The following SEMA3E variants were observed in gnomAD, a reference collection of about 807,000 sequenced individuals.
SEMA3E encodes the protein semaphorin 3E.
Under a neutral mutation model 93.6 loss-of-function variants are expected in SEMA3E, and 49 were observed. That is an observed-to-expected ratio of 0.52 (90% CI 0.42 to 0.66). SEMA3E has a LOEUF of 0.66. SEMA3E is among the 30% of genes least tolerant of loss of function. The pLI is 0.00. For synonymous variants in SEMA3E, 363 were observed against 330.7 expected, an observed-to-expected ratio of 1.10 and a Z score of -1.06; for missense variants, 906 against 964.8, an observed-to-expected ratio of 0.94 and a Z score of 0.81.
Position 83,490,235 on chromosome 7 carries a change from G to A in SEMA3E, c.155C>T (p.Pro52Leu), listed in dbSNP as rs370543242. 6.2e-7 allele frequency: 1 copy of A among 1,612,796 alleles called. No individual in the cohort carries two copies. Among genetic ancestry groups the A allele is most frequent in the African/African-American group, 1.3e-5 (1 of 74,942 alleles). ...TGTATGGAGATCAAGAAATCCAAAAGGGCTATGAAATATTGATGTTCTGTT... is the reference window on the plus strand; with the variant it reads ...TGTATGGAGATCAAGAAATCCAAAAAGGCTATGAAATATTGATGTTCTGTT... ...NLNRTSIFHSPFGFLDLHTML... is the reference protein window; with the variant it reads ...NLNRTSIFHSLFGFLDLHTML... Residue 52 changes from proline to leucine, a missense_variant, in exon 2 of 17, where the codon CCT (proline) becomes CTT (leucine). Coordinates refer to ENST00000643230, the MANE Select transcript of SEMA3E (RefSeq NM_012431.3).
At chr7:83,570,425 C>A (rs1438047754) in intron 1 of SEMA3E, among the ~76,000 whole-genome samples, 1 of 145,936 alleles carries the variant, frequency 6.9e-6, no homozygotes, top group African/African-American at 2.6e-5. Context: ...TAGTGGCGGG[C>A]GCCTGTAGTC....
intron 5 of SEMA3E, among the ~76,000 whole-genome samples, chr7:83,416,998 CACACACACACACACACAGGG>C (rs1788557058): frequency 1.5e-5 from 1 of 65,662 alleles, no homozygotes; most frequent in African/African-American, 3.5e-5. Flanking sequence ...CACACACACA[CACACACACACACACACAGGG>C]AGAGAGAGAG....
intron 2 of SEMA3E, among the ~76,000 whole-genome samples, chr7:83,471,346 A>G (rs62476980): frequency 0.11 from 16,416 of 144,310 alleles, 1,068 homozygotes; most frequent in Non-Finnish European, 0.14. Context: ...TGAAATCTGC[A>G]CTAGTATAGA....
chr7:83,424,465 C>T (rs1300764089), intron 4 of SEMA3E, among the ~76,000 whole-genome samples: 1 of 152,128 alleles, frequency 6.6e-6, no homozygotes, highest in African/African-American at 2.4e-5. Flanking sequence ...ACTAAAACTA[C>T]ATCTCCGGCC....
intron 16 of SEMA3E, among the ~76,000 whole-genome samples, chr7:83,381,281 T>A (rs1787772570): frequency 1.3e-5 from 2 of 152,024 alleles, no homozygotes; most frequent in Admixed American, 6.6e-5. Context: ...TTAGTCTCCC[T>A]ACTGCTCACT....
At chr7:83,379,753 A>G (rs1787741393) in intron 16 of SEMA3E, among the ~76,000 whole-genome samples, 1 of 152,056 alleles carries the variant, frequency 6.6e-6, no homozygotes. Context: ...CAAGTAACTC[A>G]GTCTCTCTGT....
chr7:83,371,810 C>A (rs1231515490), intron 16 of SEMA3E: 1 of 152,432 alleles, frequency 6.6e-6, no homozygotes, highest in Admixed American at 6.6e-5. Context: ...GTCTACCAAT[C>A]CATTTGTTTT....
intron 1 of SEMA3E, among the ~76,000 whole-genome samples, chr7:83,645,533 A>T (rs893266052): frequency 5.3e-5 from 8 of 152,070 alleles, no homozygotes; most frequent in Admixed American, 5.2e-4. Flanking sequence ...CTTCAACAAG[A>T]GTAATTATCT....
At chr7:83,375,356 T>C (rs1794805803) in intron 16 of SEMA3E, among the ~76,000 whole-genome samples, 1 of 152,090 alleles carries the variant, frequency 6.6e-6, no homozygotes, top group Non-Finnish European at 1.5e-5. Context: ...CATGTCCTTA[T>C]AAAAAGAGAG....
At chr7:83,484,741 T>G (rs1453798506) in intron 2 of SEMA3E, among the ~76,000 whole-genome samples, 1 of 152,246 alleles carries the variant, frequency 6.6e-6, no homozygotes, top group East Asian at 1.9e-4. Flanking sequence ...AATATTATTT[T>G]ATTTTTCCAG....
At chr7:83,525,675 A>G (rs917787451) in intron 1 of SEMA3E, among the ~76,000 whole-genome samples, 2 of 151,696 alleles carry the variant, frequency 1.3e-5, no homozygotes, top group African/African-American at 2.4e-5. Context: ...TAAAGTAGCA[A>G]TTTGATCTTG....
At chr7:83,586,027 A>G (rs1792619297) in intron 1 of SEMA3E, among the ~76,000 whole-genome samples, 1 of 152,176 alleles carries the variant, frequency 6.6e-6, no homozygotes, top group Non-Finnish European at 1.5e-5. Context: ...CCCCTCAAAC[A>G]TATATGCACA....
At chr7:83,445,980 A>G (rs1789220360) in intron 4 of SEMA3E, among the ~76,000 whole-genome samples, 1 of 152,174 alleles carries the variant, frequency 6.6e-6, no homozygotes, top group South Asian at 2.1e-4. Context: ...TCTTGTGTAC[A>G]CTTACTACAT....
chr7:83,633,843 G>T (rs1270036172), intron 1 of SEMA3E, among the ~76,000 whole-genome samples: 1 of 152,084 alleles, frequency 6.6e-6, no homozygotes, highest in African/African-American at 2.4e-5. Context: ...GCTTGGCTGG[G>T]GAGTCCCAGA....
At chr7:83,622,479 G>A (rs1337896778) in intron 1 of SEMA3E, among the ~76,000 whole-genome samples, 3 of 151,994 alleles carry the variant, frequency 2.0e-5, no homozygotes, top group Non-Finnish European at 4.4e-5. Context: ...TCCATTACTG[G>A]ATATATACCC....
In SEMA3E at chr7:83,406,034, A is replaced by C. The variant is rs1788322374; in HGVS notation, c.839T>G (p.Leu280Arg). ...TAGGAAAGTGCTCCACTTATTCACC[A>C]GTATTCTCTGCCCTCCTACATCATT... is the stretch of plus-strand genomic sequence containing the variant. ...CVNDVGGQRI[L>R]VNKWSTFLKA... The change falls in exon 8 of 17, where the codon CTG (leucine) becomes CGG (arginine). Residue 280 changes from leucine (L) to arginine (R), a missense_variant. Physicochemically the swap from Leu to Arg is moderately radical, Grantham distance 102. Transcript: ENST00000643230. 6.2e-7 allele frequency: 1 copy of C among 1,612,980 alleles called. No homozygotes were observed. Among genetic ancestry groups the C allele is most frequent in the Non-Finnish European group, 8.5e-7 (1 of 1,179,240 alleles).
At chr7:83,477,807 T>TTA (rs1249447635) in intron 2 of SEMA3E, among the ~76,000 whole-genome samples, 1 of 152,120 alleles carries the variant, frequency 6.6e-6, no homozygotes, top group African/African-American at 2.4e-5. Flanking sequence ...CAAGAACTTT[T>TTA]TACACCTTTG....
intron 4 of SEMA3E, among the ~76,000 whole-genome samples, chr7:83,434,709 CT>C (rs76539180): frequency 0.18 from 20,394 of 116,298 alleles, 583 homozygotes; most frequent in East Asian, 0.37. Context: ...AACTGTATTT[CT>C]TTTTTTTTTT....
Position 83,416,984 on chromosome 7 carries a change from T to TACACACAC in SEMA3E, c.550+1398_550+1405dup, listed in dbSNP as rs71522659. 1.6e-3 allele frequency among the ~76,000 whole-genome samples: 184 copies of TACACACAC among 113,764 alleles called. 1 individual carries two copies. Among genetic ancestry groups the TACACACAC allele is most frequent in the African/African-American group, 5.0e-3 (179 of 36,074 alleles). 74.6% of individuals were successfully genotyped at this position (113,764 alleles called of 152,430 possible). On this transcript the variant is annotated intron_variant, in intron 5 of 16. Transcript: ENST00000643230. ...CTTCCTTTTTTTAATACTCTGTTTA[T>TACACACAC]ACACACACACACACACACACACACA...
Sources: allele counts gnomAD v4.1 joint callset (sites outside exome capture counted in the v4.1 genomes callset), GRCh38; gene constraint gnomAD v4.1.1; transcripts MANE v1.5; gene names NCBI Gene and HGNC (gene_info 2026-07-23, HGNC 2026-07-21).